The following NEDD4L variants were observed in gnomAD, a reference collection of about 807,000 sequenced individuals.
NEDD4L encodes NEDD4 like E3 ubiquitin protein ligase, also known as E3 ubiquitin-protein ligase NEDD4-like.
A neutral mutation model predicts 148.9 loss-of-function variants in NEDD4L; 54 were observed. The ratio of observed to expected loss-of-function variants is 0.36; its 90% CI spans 0.29 to 0.45. The LOEUF is 0.45. NEDD4L is among the 20% of genes least tolerant of loss of function. The pLI is 1.00. For missense variants in NEDD4L, 856 were observed against 1,233.8 expected (o/e 0.69, Z 4.59); for synonymous variants, 433 against 440.7 (o/e 0.98, Z 0.22).
intron 14 of NEDD4L, 40 bp from the exon 15 acceptor site, chr18:58,341,638 A>G: frequency 6.3e-7 from 1 of 1,591,210 alleles, no homozygotes; most frequent in Non-Finnish European, 8.6e-7. Context: ...ACACCGGGAG[A>G]TCCTCCTATG....
chr18:58,289,982 C>T lies in NEDD4L; in HGVS notation c.298-26000C>T, dbSNP rs555733441. Among the ~76,000 whole-genome samples, 12 of 152,196 alleles carry T rather than the reference C, an allele frequency of 7.9e-5. No homozygotes were observed. In the South Asian group the frequency reaches 2.5e-3, roughly 32 times the overall value. On this transcript the variant is annotated intron_variant, in intron 5 of 30. Transcript: ENST00000400345. ...GACTTTATTTCATATTCATCATGTCCCCATGTAGCCATGAAAAAATGATAT... is the reference window on the plus strand; with the variant it reads ...GACTTTATTTCATATTCATCATGTCTCCATGTAGCCATGAAAAAATGATAT...
intron 1 of NEDD4L, among the ~76,000 whole-genome samples, chr18:58,062,137 A>G (rs1018546201): frequency 4.6e-5 from 7 of 152,118 alleles, no homozygotes; most frequent in Non-Finnish European, 7.3e-5. Flanking sequence ...GTTGAGATTG[A>G]GATAGTTGTT....
At position 58,091,626 on chromosome 18, in the gene NEDD4L, A is replaced by G. The variant is rs2084077880; in HGVS notation, c.48+46918A>G. The G allele has an allele frequency of 3.9e-5, 6 of 152,296 alleles. No homozygotes were observed. In the South Asian group the frequency reaches 1.2e-3, roughly 32 times the overall value. 9.4% of individuals were successfully genotyped at this position (152,296 alleles called of 1,614,324 possible). ...TCATTTTCACTGCAGCCTAGAGCGT[A>G]AGTAAGTATTTGCTTTATCCCCATC... On this transcript the variant is annotated intron_variant, in intron 1 of 30. Coordinates refer to ENST00000400345, the MANE Select transcript of NEDD4L (RefSeq NM_001144967.3).
At chr18:58,328,303 C>T (rs2059492265) in intron 9 of NEDD4L, among the ~76,000 whole-genome samples, 1 of 152,176 alleles carries the variant, frequency 6.6e-6, no homozygotes, top group Admixed American at 6.6e-5. Flanking sequence ...CTTTTAGATC[C>T]TGAATTGAGA....
Position 58,322,371 on chromosome 18 carries a change from A to G in NEDD4L, c.349-54A>G, listed in dbSNP as rs1483780496. On this transcript the variant is annotated intron_variant, in intron 6 of 30. Coordinates refer to ENST00000400345, the MANE Select transcript of NEDD4L (RefSeq NM_001144967.3). ...TCTGTAATCCAGTTGCCTGTATCTA[A>G]AACATGAAATTATTAGGAATATTAA... 1.7e-5 allele frequency: 22 copies of G among 1,259,752 alleles called. No homozygotes were observed. The Admixed American group carries it at 3.7e-4, about 21-fold the overall frequency. The allele number at this position is 1,259,752 out of a possible 1,614,324, so 78.0% of individuals were successfully genotyped here.
At chr18:58,336,404 C>T (rs908400858) in intron 13 of NEDD4L, among the ~76,000 whole-genome samples, 8 of 151,964 alleles carry the variant, frequency 5.3e-5, no homozygotes, top group African/African-American at 9.7e-5. Context: ...AGTGAAACCC[C>T]GTCTCTACTA....
chr18:58,133,936 T>C (rs1380378475), intron 1 of NEDD4L, among the ~76,000 whole-genome samples: 1 of 152,202 alleles, frequency 6.6e-6, no homozygotes, highest in Admixed American at 6.5e-5. Flanking sequence ...CGTTACTTTA[T>C]GTCCATTGTA....
rs1364582009 is a variant in NEDD4L at position 58,161,318 on chromosome 18, A to T, written c.49-4470A>T. Reference sequence around the variant, plus strand: ...AGTGCTGGGATTACAGGCATGAGCCACCGTACCCGGCAGGTTTGTTTTTCT... The same window carrying T: ...AGTGCTGGGATTACAGGCATGAGCCTCCGTACCCGGCAGGTTTGTTTTTCT... On this transcript the variant is annotated intron_variant, in intron 1 of 30. Coordinates refer to ENST00000400345, the MANE Select transcript of NEDD4L (RefSeq NM_001144967.3). Among the ~76,000 whole-genome samples the T allele has an allele frequency of 3.9e-5, 6 of 152,286 alleles. No homozygotes were observed. In the East Asian group the frequency reaches 1.2e-3, roughly 29 times the overall value.
chr18:58,318,188 G>A (rs189108230), intron 6 of NEDD4L, among the ~76,000 whole-genome samples: 1 of 152,320 alleles, frequency 6.6e-6, no homozygotes, highest in South Asian at 2.1e-4. Context: ...TTCTTGATTA[G>A]TATATGACCA....
chr18:58,111,211 GC>G, intron 1 of NEDD4L, among the ~76,000 whole-genome samples: 1 of 152,250 alleles, frequency 6.6e-6, no homozygotes, highest in African/African-American at 2.4e-5. Context: ...AGGACTACAA[GC>G]TCATGCCACT....
At chr18:58,176,124 C>CATAAGCTTA (rs2038111257) in intron 2 of NEDD4L, among the ~76,000 whole-genome samples, 1 of 131,024 alleles carries the variant, frequency 7.6e-6, no homozygotes, top group African/African-American at 4.6e-5. Flanking sequence ...AACATTTCCA[C>CATAAGCTTA]ATAAGCTTTT....
At chr18:58,147,600 A>G (rs975019302) in intron 1 of NEDD4L, among the ~76,000 whole-genome samples, 5 of 152,218 alleles carry the variant, frequency 3.3e-5, no homozygotes, top group African/African-American at 7.2e-5. Context: ...TCAGTTTTGC[A>G]TAAACATCAG....
chr18:58,075,516 C>T (rs2083112478), intron 1 of NEDD4L, among the ~76,000 whole-genome samples: 1 of 152,160 alleles, frequency 6.6e-6, no homozygotes, highest in Non-Finnish European at 1.5e-5. Context: ...GTGGTGTGAT[C>T]ATAGCTCACT....
At chr18:58,344,665 A>G (rs1174703006) in intron 16 of NEDD4L, among the ~76,000 whole-genome samples, 1 of 152,222 alleles carries the variant, frequency 6.6e-6, no homozygotes, top group East Asian at 1.9e-4. Flanking sequence ...CAGATTTGCA[A>G]GCAAGCCAAG....
intron 2 of NEDD4L, among the ~76,000 whole-genome samples, chr18:58,208,189 A>G (rs1283598103): frequency 6.6e-6 from 1 of 152,240 alleles, no homozygotes; most frequent in African/African-American, 2.4e-5. Context: ...CTCGGGGGAA[A>G]GTATTCAGGA....
intron 2 of NEDD4L, among the ~76,000 whole-genome samples, chr18:58,227,613 C>T (rs939882101): frequency 6.6e-6 from 1 of 152,168 alleles, no homozygotes; most frequent in East Asian, 1.9e-4. Flanking sequence ...AGAAAGAGGT[C>T]TGTCCACAAG....
chr18:58,053,402 G>A (rs569555152), intron 1 of NEDD4L, among the ~76,000 whole-genome samples: 50 of 152,076 alleles, frequency 3.3e-4, no homozygotes, highest in African/African-American at 1.1e-3. Flanking sequence ...TCTGCCTCCC[G>A]GGTTCACGCC....
At chr18:58,338,791 G>C (rs9964793) in intron 13 of NEDD4L, among the ~76,000 whole-genome samples, 122,633 of 152,100 alleles carry the variant, frequency 0.81, 49,657 homozygotes, top group East Asian at 0.96. Flanking sequence ...TGGCGCTTGC[G>C]TATAATCCCA....
chr18:58,052,491 G>A (rs545626181), intron 1 of NEDD4L, among the ~76,000 whole-genome samples: 1 of 152,036 alleles, frequency 6.6e-6, no homozygotes, highest in East Asian at 1.9e-4. Flanking sequence ...GATTCAAAAC[G>A]CACCAAGTTA....
Sources: allele counts gnomAD v4.1 joint callset (sites outside exome capture counted in the v4.1 genomes callset), GRCh38; gene constraint gnomAD v4.1.1; transcripts MANE v1.5; gene names NCBI Gene and HGNC (gene_info 2026-07-23, HGNC 2026-07-21).